FAM53B: variants seen among roughly 807,000 people sequenced by gnomAD.
FAM53B encodes family with sequence similarity 53 member B, also known as protein FAM53B.
In FAM53B, 12 loss-of-function variants were observed where a neutral mutation model predicts 32.7. The ratio of observed to expected loss-of-function variants is 0.37; its 90% CI spans 0.24 to 0.59. FAM53B has a LOEUF of 0.59. FAM53B is among the 20% of genes least tolerant of loss of function. The pLI is 0.72. For missense variants in FAM53B, 477 were observed against 577.7 expected (o/e 0.83, Z 1.79); for synonymous variants, 234 against 228.7 (o/e 1.02, Z -0.21).
At chr10:124,732,554 CAT>C (rs1336426737) in intron 1 of FAM53B, among the ~76,000 whole-genome samples, 4 of 152,214 alleles carry the variant, frequency 2.6e-5, no homozygotes, top group Non-Finnish European at 4.4e-5. Flanking sequence ...GAACCTCACA[CAT>C]GCTTTTAAAA....
chr10:124,722,399 T>TAC (rs1202353056), intron 1 of FAM53B, among the ~76,000 whole-genome samples: 2 of 152,186 alleles, frequency 1.3e-5, no homozygotes, highest in Non-Finnish European at 2.9e-5. Context: ...TCTTCAGGTA[T>TAC]AGTGCTAAGT....
In FAM53B at chr10:124,623,067, G is replaced by A. The variant is rs1159567091; in HGVS notation, c.*175C>T. On this transcript the variant is annotated 3_prime_UTR_variant, in exon 5 of 5. Transcript: ENST00000337318. The stretch of plus-strand genomic sequence containing the variant: ...GGCTGACACACCCGCTGTATGACGC[G>A]GCCAGGCCAGGCTCTCCCCCAGGCA... The A allele has an allele frequency of 6.2e-6, 5 of 806,316 alleles. No individual in the cohort carries two copies. Among genetic ancestry groups the A allele is most frequent in the East Asian group, 2.7e-5 (1 of 36,566 alleles). The allele number at this position is 806,316 out of a possible 1,614,324, so 49.9% of individuals were successfully genotyped here.
At chr10:124,700,392 G>A (rs961194554) in intron 2 of FAM53B, among the ~76,000 whole-genome samples, 2 of 152,106 alleles carry the variant, frequency 1.3e-5, no homozygotes, top group African/African-American at 2.4e-5. Context: ...GGAACCCCTC[G>A]GCCCTCTGAG....
chr10:124,694,749 G>A (rs1396189697), intron 3 of FAM53B, among the ~76,000 whole-genome samples: 1 of 152,226 alleles, frequency 6.6e-6, no homozygotes, highest in Non-Finnish European at 1.5e-5. Context: ...AAACCACCGG[G>A]GAGGTATTCA....
intron 1 of FAM53B, among the ~76,000 whole-genome samples, chr10:124,717,235 C>T (rs1488090468): frequency 6.6e-6 from 1 of 152,148 alleles, no homozygotes; most frequent in East Asian, 1.9e-4. Flanking sequence ...GCCAGATAAG[C>T]TCCGTTTCTG....
chr10:124,743,877 GA>G (rs892270746), intron 1 of FAM53B, 135 bp downstream of exon 1: 14 of 145,594 alleles, frequency 9.6e-5, no homozygotes, highest in African/African-American at 2.7e-4. Flanking sequence ...TAGGAAAAAA[GA>G]AAAAAAAAAG....
intron 4 of FAM53B, among the ~76,000 whole-genome samples, chr10:124,633,565 C>T (rs1158170874): frequency 6.6e-6 from 1 of 152,162 alleles, no homozygotes; most frequent in East Asian, 1.9e-4. Context: ...ATTACTAAGC[C>T]TCCATAACTA....
At chr10:124,678,240 C>A (rs1170083414) in intron 4 of FAM53B, among the ~76,000 whole-genome samples, 2 of 152,196 alleles carry the variant, frequency 1.3e-5, no homozygotes, top group African/African-American at 4.8e-5. Flanking sequence ...GCGACTGTGA[C>A]GATGATCATA....
rs371281202 is a variant in FAM53B, at chr10:124,694,391, T to G, written c.133+1767A>C. On this transcript the variant is annotated intron_variant, in intron 3 of 4. Transcript: ENST00000337318. ...CTGGACTTTTTCCCACACACCTCCC[T>G]TCTCCGGGGCCTCTGCCTTGGTCTC... 5.3e-5 allele frequency among the ~76,000 whole-genome samples: 8 copies of G among 152,360 alleles called. No homozygotes were observed. The East Asian group carries it at 1.2e-3, about 22-fold the overall frequency.
chr10:124,735,733 A>G (rs1294123967), intron 1 of FAM53B, among the ~76,000 whole-genome samples: 1 of 152,126 alleles, frequency 6.6e-6, no homozygotes, highest in Non-Finnish European at 1.5e-5. Context: ...GGTGGGCTCT[A>G]AGTGTCCTCA....
chr10:124,698,265 G>C (rs111329121), intron 2 of FAM53B, among the ~76,000 whole-genome samples: 1 of 152,188 alleles, frequency 6.6e-6, no homozygotes, highest in Non-Finnish European at 1.5e-5. Flanking sequence ...CAGGATGGGG[G>C]CTGGGGAGAG....
chr10:124,698,736 C>T (rs143127245), intron 2 of FAM53B, among the ~76,000 whole-genome samples: 3 of 152,092 alleles, frequency 2.0e-5, no homozygotes, highest in Admixed American at 6.5e-5. Flanking sequence ...CCCTCCTAAC[C>T]GCTCTTACAG....
chr10:124,653,702 C>T (rs903415649), intron 4 of FAM53B, among the ~76,000 whole-genome samples: 8 of 152,206 alleles, frequency 5.3e-5, no homozygotes, highest in Admixed American at 4.6e-4. Flanking sequence ...CCTCGCTTTC[C>T]TTGTCCACAT....
intron 1 of FAM53B, among the ~76,000 whole-genome samples, chr10:124,710,112 T>C (rs1949990778): frequency 6.6e-6 from 1 of 152,208 alleles, no homozygotes; most frequent in Admixed American, 6.5e-5. Context: ...TGCTGGTGGC[T>C]GGCACACAGG....
chr10:124,693,640 A>G (rs911181213), intron 3 of FAM53B, among the ~76,000 whole-genome samples: 46 of 152,102 alleles, frequency 3.0e-4, no homozygotes, highest in African/African-American at 1.1e-3. Context: ...CGCTCCAGCA[A>G]GCGCAGGAAA....
intron 4 of FAM53B, among the ~76,000 whole-genome samples, chr10:124,677,486 G>A (rs1045686157): frequency 2.6e-5 from 4 of 152,262 alleles, no homozygotes; most frequent in African/African-American, 9.6e-5. Context: ...GCTGCCTTTG[G>A]ACAACCTGCT....
Position 124,623,576 on chromosome 10 carries a change from C to A in FAM53B, c.935G>T (p.Cys312Phe). The change falls in exon 5 of 5, where the codon TGC becomes TTC. Residue 312 changes from cysteine (C) to phenylalanine (F), a missense_variant. Physicochemically the swap from Cys to Phe is radical, Grantham distance 205. This residue lies in a region of FAM53B where 165 missense variants were observed against 157.5 expected (regional missense o/e 1.05). Coordinates refer to ENST00000337318, the MANE Select transcript of FAM53B (RefSeq NM_014661.4). ...GCAGTCCTCTGTCCCTGCGCTCAGG[C>A]AGCTGAGGCTGCTGAAGGTCTGACA... The part of the protein sequence containing the change: ...QNCQTFSSLS[C>F]LSAGTEDCGP... 1 of 1,608,782 alleles carries A rather than the reference C, an allele frequency of 6.2e-7. No homozygotes were observed. Among genetic ancestry groups the A allele is most frequent in the Non-Finnish European group, 8.5e-7 (1 of 1,178,912 alleles).
intron 4 of FAM53B, among the ~76,000 whole-genome samples, chr10:124,664,403 C>G (rs1436414651): frequency 2.0e-5 from 3 of 152,216 alleles, no homozygotes; most frequent in Non-Finnish European, 2.9e-5. Context: ...TGCTGCTCGC[C>G]TTTAGGAAAC....
chr10:124,700,869 G>A (rs746143324), intron 2 of FAM53B, among the ~76,000 whole-genome samples: 4 of 152,218 alleles, frequency 2.6e-5, no homozygotes, highest in South Asian at 2.1e-4. Context: ...CATGCCCTGC[G>A]GGGGAACGAG....
Sources: gnomAD v4.1 joint callset for allele counts (sites outside exome capture counted in the v4.1 genomes callset) on GRCh38, gnomAD v4.1.1 for gene constraint, gnomAD v4.1.1 regional missense constraint, MANE v1.5 for transcripts, NCBI Gene and HGNC (gene_info 2026-07-23, HGNC 2026-07-21) for gene names.